Variants in EPM2A observed in about 807,000 individuals in gnomAD.
EPM2A encodes laforin.
In EPM2A, 21 loss-of-function variants were observed where a neutral mutation model predicts 26.5. The ratio of observed to expected loss-of-function variants is 0.79; its 90% CI spans 0.56 to 1.14. The LOEUF (loss-of-function observed/expected upper bound fraction) is 1.14. Ranked by LOEUF, EPM2A falls within the 50% of genes most tolerant of loss-of-function variation. The pLI, the probability that EPM2A is intolerant of heterozygous loss-of-function variation, is 0.00. For synonymous variants in EPM2A, 217 were observed against 177.6 expected (o/e 1.22, Z -1.76); for missense variants, 458 against 440.8 (o/e 1.04, Z -0.35).
intron 1 of EPM2A, chr6:145,705,871 T>G: frequency 2.2e-6 from 1 of 456,552 alleles, no homozygotes; most frequent in African/African-American, 2.0e-5. Flanking sequence ...TAAACAGTAA[T>G]CGCCTGCCAT....
chr6:145,624,140 T>C (rs1562407094), downstream of EPM2A, among the ~76,000 whole-genome samples: 2 of 152,168 alleles, frequency 1.3e-5, no homozygotes, highest in African/African-American at 4.8e-5. Context: ...TAGCAGGTAC[T>C]CAGTGACGGC....
intron 2 of EPM2A, among the ~76,000 whole-genome samples, chr6:145,522,672 T>C (rs1780218333): frequency 6.6e-6 from 1 of 152,186 alleles, no homozygotes. Flanking sequence ...CTTAAACCTG[T>C]TTTCCATATT....
chr6:145,458,403 AC>A (rs1779288350), intron 4 of EPM2A, among the ~76,000 whole-genome samples: 1 of 152,192 alleles, frequency 6.6e-6, no homozygotes, highest in Non-Finnish European at 1.5e-5. Flanking sequence ...CCAGGGGCTC[AC>A]AGGCAGAGAA....
chr6:145,644,672 T>C (rs6940752), intron 2 of EPM2A, among the ~76,000 whole-genome samples: 11,273 of 152,036 alleles, frequency 0.074, 1,412 homozygotes, highest in African/African-American at 0.25. Context: ...ATAAATATTA[T>C]ATTTTTAATT....
intron 1 of EPM2A, among the ~76,000 whole-genome samples, chr6:145,701,996 C>T (rs1781939477): frequency 6.6e-6 from 1 of 152,152 alleles, no homozygotes; most frequent in Non-Finnish European, 1.5e-5. Context: ...CGCTATAACA[C>T]AGAATCTTCT....
rs993854486 is a variant in EPM2A at position 145,518,614 on chromosome 6, A to C, written c.341-16039T>G. On this transcript the variant is annotated intron_variant, in intron 2 of 3. Coordinates refer to the EPM2A transcript ENST00000450221. Reference sequence around the variant, plus strand: ...ATGCACCAAAAAAAAAAAAAAAAAAAAAAAAAAAACAAAGAGGTTTTGACA... The same window carrying C: ...ATGCACCAAAAAAAAAAAAAAAAAACAAAAAAAAACAAAGAGGTTTTGACA... Among the ~76,000 whole-genome samples, 1,399 of 151,058 alleles carry C rather than the reference A, an allele frequency of 9.3e-3. 21 individuals carry two copies. Among genetic ancestry groups the C allele is most frequent in the African/African-American group, 0.032 (1,296 of 40,814 alleles).
At chr6:145,701,110 TA>T (rs1781886388) in intron 1 of EPM2A, among the ~76,000 whole-genome samples, 1 of 152,042 alleles carries the variant, frequency 6.6e-6, no homozygotes, top group African/African-American at 2.4e-5. Context: ...AAACTGAAAA[TA>T]AAAGAGGGCG....
intron 2 of EPM2A, among the ~76,000 whole-genome samples, chr6:145,604,922 T>C (rs1775194648): frequency 6.6e-6 from 1 of 152,054 alleles, no homozygotes; most frequent in African/African-American, 2.4e-5. Context: ...GAGTGAAAAA[T>C]ATAAGGTATG....
rs117959108 is a variant in EPM2A, at chr6:145,730,057, G to A, written c.301+5141C>T. On this transcript the variant is annotated intron_variant, in intron 1 of 3. Coordinates refer to ENST00000367519, the MANE Select transcript of EPM2A (RefSeq NM_005670.4). The stretch of plus-strand genomic sequence containing the variant: ...TCCTCCTGCTCCAGCCATGCAGATC[G>A]TCCCTGCTTCCCCTTCATCTTCTGC... Among the ~76,000 whole-genome samples the A allele has an allele frequency of 4.2e-3, 635 of 152,152 alleles. 18 individuals carry two copies. In the East Asian group the frequency reaches 0.07, roughly 17 times the overall value.
chr6:145,468,777 T>C (rs1262085694), intron 4 of EPM2A, among the ~76,000 whole-genome samples: 1 of 151,984 alleles, frequency 6.6e-6, no homozygotes, highest in Non-Finnish European at 1.5e-5. Flanking sequence ...ATGCAAAAAC[T>C]GGACATATTG....
chr6:145,517,275 A>G (rs1347745579), intron 2 of EPM2A, among the ~76,000 whole-genome samples: 1 of 152,210 alleles, frequency 6.6e-6, no homozygotes, highest in African/African-American at 2.4e-5. Context: ...GTTATACAAC[A>G]TTGTGCTTAT....
chr6:145,650,426 C>T (rs967037709), intron 2 of EPM2A, among the ~76,000 whole-genome samples: 9 of 151,824 alleles, frequency 5.9e-5, no homozygotes, highest in African/African-American at 9.7e-5. Context: ...GTGGCACATG[C>T]GGGTAATCCC....
intron 2 of EPM2A, among the ~76,000 whole-genome samples, chr6:145,646,120 G>C (rs1441164063): frequency 6.6e-6 from 1 of 151,984 alleles, no homozygotes; most frequent in Non-Finnish European, 1.5e-5. Flanking sequence ...GTCCCACCTG[G>C]CACAACTGTT....
chr6:145,429,746 T>C (rs1174437742), intron 4 of EPM2A, among the ~76,000 whole-genome samples: 1 of 152,202 alleles, frequency 6.6e-6, no homozygotes, highest in Non-Finnish European at 1.5e-5. Context: ...TTAGGAGAAT[T>C]TTTTAACATT....
chr6:145,395,446 A>T (rs1362868332), intron 4 of EPM2A, among the ~76,000 whole-genome samples: 1 of 152,098 alleles, frequency 6.6e-6, no homozygotes, highest in African/African-American at 2.4e-5. Context: ...CAACAATTCA[A>T]TTCTGTAGCT....
intron 2 of EPM2A, among the ~76,000 whole-genome samples, chr6:145,615,125 A>G (rs1300661788): frequency 6.6e-6 from 1 of 152,146 alleles, no homozygotes; most frequent in Non-Finnish European, 1.5e-5. Context: ...AGCAAGCATG[A>G]TATGGTTTAG....
At chr6:145,586,123 T>A (rs1781192928) in intron 2 of EPM2A, among the ~76,000 whole-genome samples, 1 of 152,210 alleles carries the variant, frequency 6.6e-6, no homozygotes, top group Non-Finnish European at 1.5e-5. Flanking sequence ...GGGTTCTACC[T>A]TCCCGGGTTA....
intron 4 of EPM2A, among the ~76,000 whole-genome samples, chr6:145,486,940 AC>A (rs1427591534): frequency 6.6e-6 from 1 of 151,874 alleles, no homozygotes; most frequent in African/African-American, 2.4e-5. Context: ...TTATTTCATC[AC>A]CCTCTTATTA....
rs1779730819 is a variant in EPM2A, at chr6:145,489,796, G to A, written c.555+12726C>T. On this transcript the variant is annotated intron_variant, in intron 4 of 4. Transcript: ENST00000638717. ...CTCTTCTCTCGGTTCATAGATTTCT[G>A]GGGTCACGTGGTCCAAGTCTGCTTC... The A allele has an allele frequency of 3.5e-6, 5 of 1,433,174 alleles. No individual in the cohort carries two copies. In the Admixed American group the frequency reaches 6.7e-5, roughly 19 times the overall value. The allele number at this position is 1,433,174 out of a possible 1,614,324, so 88.8% of individuals were successfully genotyped here. A position where few individuals can be genotyped will look rare whatever the true frequency, so the allele number is the denominator to read the frequency against.
Sources: gnomAD v4.1 joint callset for allele counts (sites outside exome capture counted in the v4.1 genomes callset) on GRCh38, gnomAD v4.1.1 for gene constraint, MANE v1.5 for transcripts, NCBI Gene and HGNC (gene_info 2026-07-23, HGNC 2026-07-21) for gene names.